CDH17: variants seen among roughly 807,000 people sequenced by gnomAD.
CDH17 encodes the protein cadherin 17, also known as cadherin-17.
Under a neutral mutation model 86.3 loss-of-function variants are expected in CDH17, and 67 were observed. The ratio of observed to expected loss-of-function variants is 0.78; its 90% CI spans 0.64 to 0.95. The LOEUF (loss-of-function observed/expected upper bound fraction) is 0.95. Ranked by LOEUF, CDH17 falls within the 40% of genes least tolerant of loss-of-function variation. CDH17 has a pLI of 0.00. For synonymous variants in CDH17, 367 were observed against 366.4 expected, an observed-to-expected ratio of 1.00 and a Z score of -0.02; for missense variants, 993 against 1,017.6, an observed-to-expected ratio of 0.98 and a Z score of 0.33.
chr8:94,208,382 C>T (rs1280248623), intron 1 of CDH17, 101 bp downstream of exon 1: 1 of 152,182 alleles, frequency 6.6e-6, no homozygotes, highest in African/African-American at 2.4e-5. Flanking sequence ...CCTCAAGGAA[C>T]AAATTTGTCA....
At position 94,170,536 on chromosome 8, in the gene CDH17, A is replaced by G. The variant is rs1034638382; in HGVS notation, c.927T>C (p.Tyr309=). 3 of 1,613,680 alleles carry G rather than the reference A, an allele frequency of 1.9e-6. No individual in the cohort carries two copies. Among genetic ancestry groups the G allele is most frequent in the Non-Finnish European group, 2.5e-6 (3 of 1,179,832 alleles). The change falls in exon 9 of 18, where the codon TAT becomes TAC. Residue 309 remains tyrosine, a synonymous_variant. Transcript: ENST00000027335. Reference sequence around the variant, plus strand: ...TTCCGTACTCATCCTTTGCAACTGCATAAAAAACATACTACAACAGGAAAG... The same window carrying G: ...TTCCGTACTCATCCTTTGCAACTGCGTAAAAAACATACTACAACAGGAAAG... ...DREEKDAYVF[Y]AVAKDEYGKP...
At chr8:94,151,198 A>G (rs1812848446) in intron 13 of CDH17, among the ~76,000 whole-genome samples, 1 of 152,226 alleles carries the variant, frequency 6.6e-6, no homozygotes, top group African/African-American at 2.4e-5. Flanking sequence ...TAAAGATTTT[A>G]TAGATATTAT....
At chr8:94,136,573 G>T (rs534149516) in intron 15 of CDH17, among the ~76,000 whole-genome samples, 2 of 152,084 alleles carry the variant, frequency 1.3e-5, no homozygotes, top group African/African-American at 2.4e-5. Flanking sequence ...GCTTCCTTGC[G>T]TTGGGTTCAA....
upstream of CDH17, among the ~76,000 whole-genome samples, chr8:94,210,581 A>G (rs966829157): frequency 1.3e-5 from 2 of 152,216 alleles, no homozygotes; most frequent in Non-Finnish European, 2.9e-5. Context: ...TCAGGTAGCC[A>G]CCACTGCATT....
chr8:94,170,846 T>G lies in CDH17; in HGVS notation c.915+8A>C. 6.2e-7 allele frequency: 1 copy of G among 1,613,120 alleles called. No individual in the cohort carries two copies. Among genetic ancestry groups the G allele is most frequent in the South Asian group, 1.1e-5 (1 of 90,904 alleles). ...TTGTCGCCTGTGAAACTCTTCTCTT[T>G]TACTCACTGCATCCTTTTCTTCTCG... On this transcript the variant is annotated splice_region_variant and intron_variant, in intron 8 of 17. Transcript: ENST00000027335.
At chr8:94,194,985 A>G (rs1394645566) in intron 1 of CDH17, among the ~76,000 whole-genome samples, 14 of 152,198 alleles carry the variant, frequency 9.2e-5, no homozygotes. Context: ...AGCGTCTTAA[A>G]TGATGGGCAA....
chr8:94,146,195 G>T, intron 14 of CDH17, 28 bp from the exon 15 acceptor site: 1 of 1,445,304 alleles, frequency 6.9e-7, no homozygotes, highest in African/African-American at 1.5e-5. Flanking sequence ...TGAAACATGG[G>T]ATCAGTTCAC....
intron 15 of CDH17, among the ~76,000 whole-genome samples, chr8:94,138,401 T>A (rs1160758317): frequency 6.6e-6 from 1 of 152,180 alleles, no homozygotes; most frequent in Non-Finnish European, 1.5e-5. Flanking sequence ...ATTTTATAAT[T>A]GCCTCAGCTT....
chr8:94,145,135 G>A (rs956618209), intron 15 of CDH17, among the ~76,000 whole-genome samples: 4 of 152,282 alleles, frequency 2.6e-5, no homozygotes, highest in Non-Finnish European at 2.9e-5. Flanking sequence ...ATATGACCCA[G>A]CCATTCCACT....
chr8:94,197,829 TAAAAAAAA>T (rs34799637), intron 1 of CDH17, among the ~76,000 whole-genome samples: 1 of 121,392 alleles, frequency 8.2e-6, no homozygotes. Context: ...AGACTCTGTC[TAAAAAAAA>T]AAAAAAAAAA....
intron 2 of CDH17, among the ~76,000 whole-genome samples, chr8:94,191,526 C>G (rs1039231083): frequency 5.3e-5 from 8 of 150,202 alleles, no homozygotes; most frequent in African/African-American, 2.0e-4. Context: ...ATCTTGGCTC[C>G]CTGCAACATC....
chr8:94,152,403 G>A (rs1434876013), intron 12 of CDH17, among the ~76,000 whole-genome samples: 1 of 151,936 alleles, frequency 6.6e-6, no homozygotes, highest in Non-Finnish European at 1.5e-5. Context: ...TTTTATTTTT[G>A]AGATGGAGCC....
In CDH17 at chr8:94,130,937, G is replaced by A. The variant is rs767544550; in HGVS notation, c.2223C>T (p.Val741=). Residue 741 remains valine, a synonymous_variant, in exon 16 of 18, where the codon GTC becomes GTT. Transcript: ENST00000027335. The part of the protein sequence containing the change: ...RHTEFEEREY[V]VLIRINDGGR... ...CCCCATCATTGATGCGGATCAAGAC[G>A]ACATACTCCCTCTCCTCAAACTCTG... The A allele has an allele frequency of 1.3e-5, 21 of 1,611,416 alleles. No individual in the cohort carries two copies. Among genetic ancestry groups the A allele is most frequent in the African/African-American group, 1.1e-4 (8 of 74,848 alleles).
intron 2 of CDH17, among the ~76,000 whole-genome samples, 161 bp from the exon 3 acceptor site, chr8:94,189,446 C>G (rs112256731): frequency 1.3e-3 from 195 of 152,150 alleles, no homozygotes; most frequent in African/African-American, 3.8e-3. Flanking sequence ...GAAGCTCTAC[C>G]ACGTCAAAGT....
chr8:94,184,235 G>C (rs1813535466), intron 3 of CDH17, among the ~76,000 whole-genome samples: 1 of 151,952 alleles, frequency 6.6e-6, no homozygotes. Context: ...GTGTGTGTGT[G>C]TCCAAGAGAA....
At chr8:94,188,238 G>A (rs919735374) in intron 3 of CDH17, among the ~76,000 whole-genome samples, 2 of 152,146 alleles carry the variant, frequency 1.3e-5, no homozygotes, top group Non-Finnish European at 2.9e-5. Flanking sequence ...CTAATACCAT[G>A]TAAATGCTAT....
At chr8:94,151,712 C>A (rs1456151756) in intron 13 of CDH17, among the ~76,000 whole-genome samples, 156 bp downstream of exon 13, 1 of 152,198 alleles carries the variant, frequency 6.6e-6, no homozygotes, top group Non-Finnish European at 1.5e-5. Context: ...TGGAATGCCC[C>A]CAGGGTGTTG....
upstream of CDH17, among the ~76,000 whole-genome samples, chr8:94,213,126 G>A (rs1814147516): frequency 6.6e-6 from 1 of 152,188 alleles, no homozygotes; most frequent in Admixed American, 6.5e-5. Flanking sequence ...ACAGGCAAGT[G>A]CCACCACACC....
At position 94,170,615 on chromosome 8, in the gene CDH17, G is replaced by A. The variant is rs191204537; in HGVS notation, c.916-68C>T. The A allele has an allele frequency of 2.2e-4, 343 of 1,532,404 alleles. 2 individuals carry two copies. Among genetic ancestry groups the A allele is most frequent in the African/African-American group, 1.2e-3 (90 of 72,286 alleles). 94.9% of individuals were successfully genotyped at this position (1,532,404 alleles called of 1,614,324 possible). ...CCCTCTGTCAAAAGCAGAGAAAATC[G>A]TTGTTTCATTTCTATGTCATTTACT... On this transcript the variant is annotated intron_variant, in intron 8 of 17. Transcript: ENST00000027335.
Sources: allele counts gnomAD v4.1 joint callset (sites outside exome capture counted in the v4.1 genomes callset), GRCh38; gene constraint gnomAD v4.1.1; transcripts MANE v1.5; gene names NCBI Gene and HGNC (gene_info 2026-07-23, HGNC 2026-07-21).